PCDHGB1: variants seen among roughly 807,000 people sequenced by gnomAD.
PCDHGB1 encodes the protein protocadherin gamma subfamily B, 1.
A neutral mutation model predicts 56.6 loss-of-function variants in PCDHGB1; 34 were observed. The ratio of observed to expected loss-of-function variants is 0.60; its 90% CI spans 0.46 to 0.80. The LOEUF (loss-of-function observed/expected upper bound fraction) is 0.80. PCDHGB1 is among the 30% of genes least tolerant of loss of function. The probability of loss-of-function intolerance (pLI) is 0.00; values close to 1 mark genes in which losing one functional copy is unlikely to be tolerated. For synonymous variants in PCDHGB1, 561 were observed against 505.9 expected, an observed-to-expected ratio of 1.11 and a Z score of -1.46; for missense variants, 1,278 against 1,204.6, an observed-to-expected ratio of 1.06 and a Z score of -0.90.
chr5:141,392,900 A>G, intron 1 of PCDHGB1: 1 of 1,613,714 alleles, frequency 6.2e-7, no homozygotes, highest in Non-Finnish European at 8.5e-7. Flanking sequence ...TCGGGAGGGG[A>G]CAGATTCGCT....
At chr5:141,370,582 C>T (rs1455382111) in intron 1 of PCDHGB1, 1 of 1,613,890 alleles carries the variant, frequency 6.2e-7, no homozygotes, top group Non-Finnish European at 8.5e-7. Context: ...GATTTACCTA[C>T]TAGGAACCTG....
chr5:141,391,196 T>C (rs887079701), intron 1 of PCDHGB1: 1 of 152,158 alleles, frequency 6.6e-6, no homozygotes, highest in Non-Finnish European at 1.5e-5. Flanking sequence ...ACAAAATATA[T>C]ACAAAATACC....
chr5:141,492,050 C>CT, intron 1 of PCDHGB1: 1 of 501,102 alleles, frequency 2.0e-6, no homozygotes, highest in Non-Finnish European at 3.5e-6. Flanking sequence ...AGATCCACCC[C>CT]TGCAGCCAGC....
intron 1 of PCDHGB1, among the ~76,000 whole-genome samples, chr5:141,465,904 C>T (rs1364574558): frequency 2.0e-5 from 3 of 152,046 alleles, no homozygotes; most frequent in Admixed American, 6.5e-5. Context: ...GGGCAAATCA[C>T]GAGGTCAGGA....
At chr5:141,472,332 G>A (rs566731120) in intron 1 of PCDHGB1, among the ~76,000 whole-genome samples, 1 of 152,116 alleles carries the variant, frequency 6.6e-6, no homozygotes, top group East Asian at 1.9e-4. Flanking sequence ...ACGAGGTTGG[G>A]AGATCGAGAC....
chr5:141,360,892 G>C, intron 1 of PCDHGB1: 1 of 1,614,028 alleles, frequency 6.2e-7, no homozygotes, highest in Non-Finnish European at 8.5e-7. Context: ...CACCCTGAGG[G>C]AGGACGTGCC....
chr5:141,442,700 T>TC (rs1388243183), intron 1 of PCDHGB1, among the ~76,000 whole-genome samples: 5 of 152,198 alleles, frequency 3.3e-5, no homozygotes, highest in Non-Finnish European at 7.3e-5. Flanking sequence ...CAGACAAGAG[T>TC]ATCAGACATG....
chr5:141,395,548 G>T (rs869036595), intron 1 of PCDHGB1: 6 of 21,284 alleles, frequency 2.8e-4, no homozygotes, highest in African/African-American at 1.1e-3. Context: ...TTGTTTGTGT[G>T]TGTGTGTGTG....
Position 141,375,827 on chromosome 5 carries a change from G to T in PCDHGB1, c.2409+23158G>T, listed in dbSNP as rs779058063. On this transcript the variant is annotated intron_variant, in intron 1 of 3. Transcript: ENST00000523390. ...TGGCGTGGAGCTGGCGCCCCGCTCC[G>T]CAGAGCCCGGCTACCTGGTGACCAA... The T allele has an allele frequency of 4.3e-6, 7 of 1,614,136 alleles. No individual in the cohort carries two copies. The highest frequency in any genetic ancestry group is 2.7e-5 in the African/African-American group (2 of 75,070).
intron 1 of PCDHGB1, chr5:141,366,010 T>C (rs1764260638): frequency 1.2e-6 from 2 of 1,614,114 alleles, no homozygotes; most frequent in Non-Finnish European, 1.7e-6. Flanking sequence ...ACAATACGCC[T>C]GAGATCCTGT....
chr5:141,465,689 C>A (rs2099107540), intron 1 of PCDHGB1, among the ~76,000 whole-genome samples: 1 of 152,162 alleles, frequency 6.6e-6, no homozygotes, highest in African/African-American at 2.4e-5. Context: ...GACCAGTCTG[C>A]TTTTGCATTG....
Position 141,415,335 on chromosome 5 carries a change from G to T in PCDHGB1, c.2409+62666G>T, listed in dbSNP as rs779617513. On this transcript the variant is annotated intron_variant, in intron 1 of 3. Coordinates refer to ENST00000523390, the MANE Select transcript of PCDHGB1 (RefSeq NM_018922.3). ...TCATCGTGCTGCTGGCGCACAGGCT[G>T]CGGCGCTGGCACAAGTCACGCCTGC... The T allele has an allele frequency of 4.3e-6, 7 of 1,614,110 alleles. No homozygotes were observed. The Admixed American group carries it at 1.2e-4, about 27-fold the overall frequency.
At chr5:141,389,525 CGT>C in intron 1 of PCDHGB1, 1 of 1,613,170 alleles carries the variant, frequency 6.2e-7, no homozygotes, top group Non-Finnish European at 8.5e-7. Context: ...TGAGCCTGCG[CGT>C]GTTAGTGGAC....
chr5:141,409,459 T>A lies in PCDHGB1; in HGVS notation c.2409+56790T>A, dbSNP rs139792503. 3.7e-6 allele frequency: 6 copies of A among 1,613,832 alleles called. 1 individual carries two copies. The highest frequency in any genetic ancestry group is 3.3e-4 in the Middle Eastern group (2 of 6,084). ...ACCGAGAGCAGACACCAGAATACAATGTCACCATCGTAGCCACTGACAGGG... is the reference window on the plus strand; with the variant it reads ...ACCGAGAGCAGACACCAGAATACAAAGTCACCATCGTAGCCACTGACAGGG... On this transcript the variant is annotated intron_variant, in intron 1 of 3. Transcript: ENST00000523390.
chr5:141,403,333 C>G (rs376895778), intron 1 of PCDHGB1: 1 of 1,613,984 alleles, frequency 6.2e-7, no homozygotes, highest in South Asian at 1.1e-5. Context: ...CTGATATTAA[C>G]GACAGCGCCC....
At chr5:141,390,341 A>T (rs766269615) in intron 1 of PCDHGB1, 5 of 1,587,538 alleles carry the variant, frequency 3.1e-6, no homozygotes, top group Non-Finnish European at 4.3e-6. Flanking sequence ...CATATTCACA[A>T]GAAAATATAC....
At chr5:141,358,500 A>G (rs747831843) in intron 1 of PCDHGB1, among the ~76,000 whole-genome samples, 1 of 152,180 alleles carries the variant, frequency 6.6e-6, no homozygotes, top group African/African-American at 2.4e-5. Context: ...CTTTAACAGG[A>G]TATTTTCTCA....
intron 1 of PCDHGB1, chr5:141,407,920 C>T: frequency 2.1e-6 from 1 of 475,788 alleles, no homozygotes; most frequent in Non-Finnish European, 3.6e-6. Context: ...GCTGCTGTCC[C>T]GCACGGAGCC....
Position 141,364,882 on chromosome 5 carries a change from C to G in PCDHGB1, c.2409+12213C>G, listed in dbSNP as rs199576947. 1.6e-3 allele frequency: 2,598 copies of G among 1,613,962 alleles called. 5 individuals carry two copies. The highest frequency in any genetic ancestry group is 2.6e-3 in the South Asian group (236 of 91,080). Reference sequence around the variant, plus strand: ...TGCACTTCTCTCTGGATGTGGTAAGCGGAACTGATGGACAAAAGTATCCGG... The same window carrying G: ...TGCACTTCTCTCTGGATGTGGTAAGGGGAACTGATGGACAAAAGTATCCGG... On this transcript the variant is annotated intron_variant, in intron 1 of 3. Transcript: ENST00000523390.
Sources: allele counts gnomAD v4.1 joint callset (sites outside exome capture counted in the v4.1 genomes callset), GRCh38; gene constraint gnomAD v4.1.1; transcripts MANE v1.5; gene names NCBI Gene and HGNC (gene_info 2026-07-23, HGNC 2026-07-21).